Variants in NRXN3 observed in about 807,000 individuals in gnomAD.
NRXN3 encodes neurexin 3.
Under a neutral mutation model 137.6 loss-of-function variants are expected in NRXN3, and 32 were observed. The observed-to-expected ratio is 0.23, with a 90% CI of 0.18 to 0.31. NRXN3 has a LOEUF of 0.31. NRXN3 is among the 10% of genes least tolerant of loss of function. The probability of loss-of-function intolerance (pLI) is 1.00; values close to 1 mark genes in which losing one functional copy is unlikely to be tolerated. For missense variants in NRXN3, 1,574 were observed against 2,062.5 expected (o/e 0.76, Z 4.59); for synonymous variants, 798 against 784.5 (o/e 1.02, Z -0.29).
At chr14:78,347,560 G>T (rs2082921798) in intron 4 of NRXN3, among the ~76,000 whole-genome samples, 1 of 152,240 alleles carries the variant, frequency 6.6e-6, no homozygotes, top group Admixed American at 6.5e-5. Flanking sequence ...GATAGCAAAA[G>T]GTAAGGTGGA....
intron 15 of NRXN3, among the ~76,000 whole-genome samples, chr14:79,367,308 A>G (rs2093934271): frequency 6.6e-6 from 1 of 152,154 alleles, no homozygotes; most frequent in South Asian, 2.1e-4. Context: ...ACCAAATTTC[A>G]TGTGTTTACG....
At chr14:78,505,290 A>G (rs2095965657) in intron 4 of NRXN3, among the ~76,000 whole-genome samples, 2 of 152,174 alleles carry the variant, frequency 1.3e-5, no homozygotes, top group South Asian at 2.1e-4. Context: ...GACAAGTGAC[A>G]TAAGCAGCTT....
chr14:78,375,614 G>GTA (rs2153623944), intron 4 of NRXN3, among the ~76,000 whole-genome samples: 1 of 152,250 alleles, frequency 6.6e-6, no homozygotes, highest in East Asian at 1.9e-4. Context: ...CAATAAACAA[G>GTA]TATATATATG....
intron 15 of NRXN3, among the ~76,000 whole-genome samples, chr14:78,988,823 A>G (rs543882893): frequency 3.3e-5 from 5 of 152,128 alleles, no homozygotes; most frequent in Admixed American, 1.3e-4. Flanking sequence ...TTTTGTGAGT[A>G]TATTTTATAT....
At position 78,297,740 on chromosome 14, in the gene NRXN3, T is replaced by C. The variant is rs889712563; in HGVS notation, c.728-91T>C. The stretch of plus-strand genomic sequence containing the variant: ...TTTTTCCACTCAAGGATTAAGATTG[T>C]ATTGCATTTGGGATTTTAACTTTGT... On this transcript the variant is annotated intron_variant, in intron 3 of 20. Transcript: ENST00000335750. 8 of 959,394 alleles carry C rather than the reference T, an allele frequency of 8.3e-6. No individual in the cohort carries two copies. In the African/African-American group the frequency reaches 9.7e-5, roughly 12 times the overall value. 59.4% of individuals were successfully genotyped at this position (959,394 alleles called of 1,614,324 possible).
chr14:78,336,020 C>A (rs891958752), intron 4 of NRXN3, among the ~76,000 whole-genome samples: 2 of 152,216 alleles, frequency 1.3e-5, no homozygotes, highest in African/African-American at 4.8e-5. Context: ...CTGTGGTCTT[C>A]AAAATCCAGA....
chr14:79,363,377 A>G (rs2093757062), intron 15 of NRXN3, among the ~76,000 whole-genome samples: 1 of 152,196 alleles, frequency 6.6e-6, no homozygotes, highest in Admixed American at 6.5e-5. Context: ...GCTATATACC[A>G]GTTCCATTGA....
At chr14:79,626,072 G>A (rs1274951846) in intron 16 of NRXN3, among the ~76,000 whole-genome samples, 5 of 152,198 alleles carry the variant, frequency 3.3e-5, no homozygotes, top group Non-Finnish European at 1.5e-5. Flanking sequence ...TTATATTAAA[G>A]AGGGAAAGAC....
intron 19 of NRXN3, among the ~76,000 whole-genome samples, chr14:79,719,299 A>ATATGTATG (rs3061481): frequency 6.7e-6 from 1 of 149,778 alleles, no homozygotes; most frequent in Middle Eastern, 3.4e-3. Flanking sequence ...ATGTATGTGT[A>ATATGTATG]TATGTATGTG....
At chr14:78,417,687 T>C (rs1277261044) in intron 4 of NRXN3, among the ~76,000 whole-genome samples, 1 of 152,210 alleles carries the variant, frequency 6.6e-6, no homozygotes, top group Non-Finnish European at 1.5e-5. Flanking sequence ...CAGAAGCACA[T>C]GAGCAGTGGA....
chr14:79,340,344 G>A (rs1040515234), intron 15 of NRXN3, among the ~76,000 whole-genome samples: 2 of 152,132 alleles, frequency 1.3e-5, no homozygotes. Flanking sequence ...TGACAACACT[G>A]GTTAGTCAGC....
intron 4 of NRXN3, among the ~76,000 whole-genome samples, chr14:78,480,648 G>A (rs901708699): frequency 6.6e-6 from 1 of 152,114 alleles, no homozygotes; most frequent in African/African-American, 2.4e-5. Flanking sequence ...CTAGGTATAA[G>A]TGTAGGCTAA....
At chr14:78,774,265 G>T (rs1211122506) in intron 8 of NRXN3, among the ~76,000 whole-genome samples, 1 of 152,102 alleles carries the variant, frequency 6.6e-6, no homozygotes, top group Non-Finnish European at 1.5e-5. Context: ...AAATTTTAAA[G>T]TAAATTTTAA....
intron 17 of NRXN3, among the ~76,000 whole-genome samples, chr14:79,670,872 T>A (rs1287569176): frequency 6.6e-6 from 1 of 152,168 alleles, no homozygotes; most frequent in Non-Finnish European, 1.5e-5. Context: ...TGAAGTTTAC[T>A]TATGAAAGGT....
chr14:79,014,319 C>T (rs971302921), intron 15 of NRXN3, among the ~76,000 whole-genome samples: 1 of 152,294 alleles, frequency 6.6e-6, no homozygotes. Context: ...TCTATGTACT[C>T]AATGCTTAGC....
Position 79,705,631 on chromosome 14 carries a change from G to A in NRXN3, c.4014+7694G>A, listed in dbSNP as rs150560627. On this transcript the variant is annotated intron_variant, in intron 19 of 20. Transcript: ENST00000335750. ...AGCCCTGCCTGAATGTGCCAAGCGTGCCTGTGCCTTTTCACCTGCCATTTC... is the reference window on the plus strand; with the variant it reads ...AGCCCTGCCTGAATGTGCCAAGCGTACCTGTGCCTTTTCACCTGCCATTTC... 2.4e-3 allele frequency among the ~76,000 whole-genome samples: 371 copies of A among 152,182 alleles called. 4 individuals carry two copies. The highest frequency in any genetic ancestry group is 8.5e-3 in the African/African-American group (355 of 41,532).
intron 8 of NRXN3, among the ~76,000 whole-genome samples, chr14:78,776,129 T>C (rs139516167): frequency 8.3e-4 from 127 of 152,336 alleles, no homozygotes; most frequent in African/African-American, 2.9e-3. Flanking sequence ...CTGGAAATTA[T>C]TTTATGGAAC....
At chr14:78,240,456 G>C (rs978346995) in intron 1 of NRXN3, among the ~76,000 whole-genome samples, 1 of 152,206 alleles carries the variant, frequency 6.6e-6, no homozygotes, top group East Asian at 1.9e-4. Flanking sequence ...GTAAATGAAG[G>C]TTGCCAGATA....
At chr14:79,134,314 A>C (rs2152975652) in intron 15 of NRXN3, among the ~76,000 whole-genome samples, 2 of 152,350 alleles carry the variant, frequency 1.3e-5, no homozygotes, top group Middle Eastern at 3.4e-3. Flanking sequence ...CTGTGTTCCC[A>C]ATTCTTTACA....
Sources: allele counts gnomAD v4.1 joint callset (sites outside exome capture counted in the v4.1 genomes callset), GRCh38; gene constraint gnomAD v4.1.1; transcripts MANE v1.5; gene names NCBI Gene and HGNC (gene_info 2026-07-23, HGNC 2026-07-21).